Variants in PAX2 observed in about 807,000 individuals in gnomAD.
The protein encoded by PAX2 is paired box 2.
PAX2 carries 9 observed loss-of-function variants against 41.7 expected under a neutral mutation model. The observed-to-expected ratio is 0.22, with a 90% confidence interval of 0.13 to 0.38. The LOEUF is 0.38. Among genes scored for constraint, PAX2 ranks in the 10% least tolerant of loss-of-function variants. The pLI, the probability that PAX2 is intolerant of heterozygous loss-of-function variation, is 1.00. For synonymous variants in PAX2, 221 were observed against 212.7 expected (o/e 1.04, Z -0.34); for missense variants, 418 against 531.6 (o/e 0.79, Z 2.10).
At chr10:100,788,219 T>G (rs1371433802) in intron 5 of PAX2, among the ~76,000 whole-genome samples, 7 of 152,254 alleles carry the variant, frequency 4.6e-5, no homozygotes, top group Non-Finnish European at 7.3e-5. Flanking sequence ...TGCTTCCAGA[T>G]AGATAAACCA....
intron 7 of PAX2, among the ~76,000 whole-genome samples, chr10:100,817,042 C>T (rs1027727840): frequency 1.3e-5 from 2 of 152,188 alleles, no homozygotes; most frequent in Non-Finnish European, 2.9e-5. Context: ...TCAGAAGACT[C>T]TGCAAACAGG....
rs1403302124 is a variant in PAX2, at chr10:100,779,569, C to T, written c.482C>T (p.Pro161Leu). The change falls in exon 4 of 10, where the codon CCT (proline) becomes CTT (leucine). Residue 161 changes from proline to leucine, a missense_variant. Physicochemically the swap from Pro to Leu is moderately conservative, Grantham distance 98. Coordinates refer to ENST00000355243, the MANE Select transcript of PAX2 (RefSeq NM_000278.5). ...GGGGCTGGGACAGGAGTGACCGCCCCTGGCCACACCATTGGTAAGAGGGCT... is the reference window on the plus strand; with the variant it reads ...GGGGCTGGGACAGGAGTGACCGCCCTTGGCCACACCATTGGTAAGAGGGCT... ...PDGAGTGVTA[P>L]GHTIVPSTAS... The T allele has an allele frequency of 1.8e-5, 29 of 1,588,382 alleles. No individual in the cohort carries two copies. Among genetic ancestry groups the T allele is most frequent in the Non-Finnish European group, 2.4e-5 (28 of 1,167,216 alleles).
chr10:100,793,778 A>G (rs1419799086), intron 5 of PAX2, among the ~76,000 whole-genome samples: 1 of 152,002 alleles, frequency 6.6e-6, no homozygotes, highest in East Asian at 1.9e-4. Flanking sequence ...GGAAACTGAC[A>G]CCTTCCTCTC....
intron 3 of PAX2, among the ~76,000 whole-genome samples, chr10:100,752,144 A>T (rs1336938330): frequency 6.6e-6 from 1 of 152,226 alleles, no homozygotes; most frequent in Non-Finnish European, 1.5e-5. Context: ...GCTGTAATGT[A>T]CTGCGAGGCG....
chr10:100,821,456 G>A (rs939055426), intron 7 of PAX2, among the ~76,000 whole-genome samples: 4 of 152,130 alleles, frequency 2.6e-5, no homozygotes, highest in Admixed American at 6.5e-5. Flanking sequence ...CTTCTTTCAC[G>A]TTTTAAAAAT....
At chr10:100,759,853 T>C (rs1196815543) in intron 3 of PAX2, among the ~76,000 whole-genome samples, 2 of 152,134 alleles carry the variant, frequency 1.3e-5, no homozygotes, top group African/African-American at 4.8e-5. Context: ...CTGCTCTCCC[T>C]GGTCTTGGTG....
intron 5 of PAX2, among the ~76,000 whole-genome samples, chr10:100,801,738 A>C (rs762049063): frequency 4.6e-5 from 7 of 152,242 alleles, no homozygotes; most frequent in Non-Finnish European, 8.8e-5. Flanking sequence ...GCCGAGAGGA[A>C]GGCTGTGCCC....
rs927686373 is a variant in PAX2, at chr10:100,748,387, G to T, written c.44-1359G>T. 1 of 980,856 alleles carries T rather than the reference G, an allele frequency of 1.0e-6. No homozygotes were observed. The highest frequency in any genetic ancestry group is 1.9e-5 in the African/African-American group (1 of 53,382). 60.8% of individuals were successfully genotyped at this position (980,856 alleles called of 1,614,324 possible). A position where few individuals can be genotyped will look rare whatever the true frequency, so the allele number is the denominator to read the frequency against. On this transcript the variant is annotated intron_variant, in intron 1 of 9. Transcript: ENST00000355243. This position sits in a 1 kb window ranked among gnomAD's most constrained non-coding sequence, Gnocchi z 5.0. ...AGTCTCTCCCAGCAACGCGATCAGA[G>T]GTCTTTCCCCAGGGTTTCACCGAGC...
chr10:100,793,515 CA>C (rs1473780929), intron 5 of PAX2, among the ~76,000 whole-genome samples: 1 of 152,216 alleles, frequency 6.6e-6, no homozygotes, highest in Non-Finnish European at 1.5e-5. Context: ...AGTGGGGTGC[CA>C]CGCTCTTCTT....
At chr10:100,758,269 T>C (rs1313974259) in intron 3 of PAX2, among the ~76,000 whole-genome samples, 3 of 151,800 alleles carry the variant, frequency 2.0e-5, no homozygotes, top group South Asian at 2.1e-4. Flanking sequence ...ACCTCCCGAG[T>C]AGCTGGGACT....
chr10:100,789,022 C>T (rs756340597), intron 5 of PAX2, among the ~76,000 whole-genome samples: 11 of 152,132 alleles, frequency 7.2e-5, no homozygotes, highest in Non-Finnish European at 1.3e-4. Flanking sequence ...CCTCTCTCTG[C>T]TTTTGCTCTC....
intron 5 of PAX2, among the ~76,000 whole-genome samples, chr10:100,802,349 C>T (rs1312839278): frequency 6.6e-6 from 1 of 152,206 alleles, no homozygotes; most frequent in Non-Finnish European, 1.5e-5. Context: ...TGGATGGCAG[C>T]TCAGCAGCCC....
intron 6 of PAX2, 81 bp from the exon 7 acceptor site, chr10:100,809,029 T>C: frequency 7.2e-7 from 1 of 1,379,606 alleles, no homozygotes. Context: ...GGCTCCCCTG[T>C]TCCTCCTCCC....
At chr10:100,773,778 AC>A (rs751995667) in intron 3 of PAX2, among the ~76,000 whole-genome samples, 157 of 152,246 alleles carry the variant, frequency 1.0e-3, no homozygotes, top group Admixed American at 3.9e-4. Context: ...CAGACACTTA[AC>A]CTTTTTTACA....
In PAX2 at chr10:100,827,275, C is replaced by T. The variant is rs1338245839; in HGVS notation, c.1108+180C>T. On this transcript the variant is annotated intron_variant, in intron 9 of 9. Coordinates refer to ENST00000355243, the MANE Select transcript of PAX2 (RefSeq NM_000278.5). The surrounding 1 kb of genome is among the most constrained non-coding windows in gnomAD (Gnocchi z 8.5). Reference sequence around the variant, plus strand: ...CCCGCACCTCCTGCCCTCCCGTGCCCTCCCTGGTCGCTCGAAGGCTCTGCG... The same window carrying T: ...CCCGCACCTCCTGCCCTCCCGTGCCTTCCCTGGTCGCTCGAAGGCTCTGCG... Among the ~76,000 whole-genome samples, 1 of 152,138 alleles carries T rather than the reference C, an allele frequency of 6.6e-6. No individual in the cohort carries two copies. Among genetic ancestry groups the T allele is most frequent in the Non-Finnish European group, 1.5e-5 (1 of 68,022 alleles).
At chr10:100,805,023 TACA>T (rs1847720713) in intron 5 of PAX2, among the ~76,000 whole-genome samples, 34 of 95,020 alleles carry the variant, frequency 3.6e-4, no homozygotes, top group African/African-American at 1.5e-3. Context: ...CTCTCTCACA[TACA>T]CACACACACA....
At chr10:100,819,407 A>G (rs1412821703) in intron 7 of PAX2, among the ~76,000 whole-genome samples, 1 of 151,848 alleles carries the variant, frequency 6.6e-6, no homozygotes, top group Non-Finnish European at 1.5e-5. Context: ...CGTCTCTACT[A>G]AAAAATATAA....
chr10:100,825,655 T>C (rs1848525622), intron 8 of PAX2, among the ~76,000 whole-genome samples: 1 of 152,138 alleles, frequency 6.6e-6, no homozygotes, highest in African/African-American at 2.4e-5. Context: ...TCAACTCTCA[T>C]TGGTATGGGG....
At chr10:100,746,685 G>T (rs928449291) in intron 1 of PAX2, among the ~76,000 whole-genome samples, 1 of 152,168 alleles carries the variant, frequency 6.6e-6, no homozygotes, top group Non-Finnish European at 1.5e-5. Flanking sequence ...AGTTTTCAGG[G>T]TGTTGTTTTG....
Sources: gnomAD v4.1 joint callset for allele counts (sites outside exome capture counted in the v4.1 genomes callset) on GRCh38, gnomAD v4.1.1 for gene constraint, Gnocchi (gnomAD v3.1) non-coding constraint, MANE v1.5 for transcripts, NCBI Gene and HGNC (gene_info 2026-07-23, HGNC 2026-07-21) for gene names.